Variants in BTK observed in about 807,000 individuals in gnomAD.
The protein encoded by BTK is tyrosine-protein kinase BTK.
A neutral mutation model predicts 57.4 loss-of-function variants in BTK; 5 were observed. The observed-to-expected ratio is 0.09, with a 90% confidence interval of 0.05 to 0.18. The LOEUF is 0.18. Among genes scored for constraint, BTK ranks in the 10% least tolerant of loss-of-function variants. The pLI is 1.00. For missense variants in BTK, 194 were observed against 501.2 expected (o/e 0.39, Z 5.85); for synonymous variants, 154 against 174.3 (o/e 0.88, Z 0.92).
At chrX:101,350,631 T>C (rs1217956110) in intron 18 of BTK, among the ~76,000 whole-genome samples, 2 of 109,521 alleles carry the variant, frequency 1.8e-5, no homozygotes, top group Non-Finnish European at 3.8e-5. Context: ...ATTTTTAGTA[T>C]AGACCGGGTT....
At chrX:101,368,766 T>C in intron 5 of BTK, among the ~76,000 whole-genome samples, 1 of 112,520 alleles carries the variant, frequency 8.9e-6, no homozygotes, top group East Asian at 2.8e-4. Flanking sequence ...AATAATTGAA[T>C]AGATGATCCT....
chrX:101,378,212 T>C lies in BTK; in HGVS notation c.-30-2898A>G, dbSNP rs976139618. Among the ~76,000 whole-genome samples, 10 of 109,685 alleles carry C rather than the reference T, an allele frequency of 9.1e-5. No individual in the cohort carries two copies. In the East Asian group the frequency reaches 1.7e-3, roughly 19 times the overall value. On this transcript the variant is annotated intron_variant, in intron 1 of 18. Coordinates refer to ENST00000308731, the MANE Select transcript of BTK (RefSeq NM_000061.3). ...AATTCTCCTGCCTCGGCCTCCCAAG[T>C]AGCCGGGATTACAGGCGTGTGCCAC...
chrX:101,375,414 T>C (rs1190981353), intron 1 of BTK, 100 bp from the exon 2 acceptor site: 7 of 832,868 alleles, frequency 8.4e-6, no homozygotes, highest in Non-Finnish European at 1.2e-5. Context: ...AACAAAAATG[T>C]GCACAGCTCA....
In BTK at chrX:101,356,079, C is replaced by T. The variant is rs192689502; in HGVS notation, c.1539G>A (p.Glu513=). The part of the protein sequence containing the change: ...KDVCEAMEYL[E]SKQFLHRDLA... ...GGTCTCGGTGAAGGAACTGCTTTGA[C>T]TCCAGGTATTCCATGGCTTCACAGA... The change falls in exon 15 of 19, where the codon GAG becomes GAA. Residue 513 remains glutamate (E), a synonymous_variant. Coordinates refer to ENST00000308731, the MANE Select transcript of BTK (RefSeq NM_000061.3). 10 of 1,209,644 alleles carry T rather than the reference C, an allele frequency of 8.3e-6. No individual in the cohort carries two copies. The East Asian group carries it at 3.0e-4, about 36-fold the overall frequency.
chrX:101,368,151 G>A (rs1181428897), intron 5 of BTK, among the ~76,000 whole-genome samples: 1 of 111,680 alleles, frequency 9.0e-6, no homozygotes, highest in Non-Finnish European at 1.9e-5. Flanking sequence ...GTAAAATGGG[G>A]ATGACAAGAT....
At chrX:101,383,119 T>C (rs782243843) in intron 1 of BTK, among the ~76,000 whole-genome samples, 1 of 112,083 alleles carries the variant, frequency 8.9e-6, no homozygotes, top group African/African-American at 3.2e-5. Flanking sequence ...TATATCGGCA[T>C]ATTCCTTCCA....
chrX:101,368,396 C>T (rs1185097837), intron 5 of BTK, among the ~76,000 whole-genome samples: 2 of 111,859 alleles, frequency 1.8e-5, no homozygotes, highest in African/African-American at 6.5e-5. Flanking sequence ...TGTGAAATTT[C>T]TGGACTTGGA....
intron 18 of BTK, among the ~76,000 whole-genome samples, chrX:101,352,162 C>CA (rs35710840): frequency 0.098 from 5,272 of 53,531 alleles, 221 homozygotes; most frequent in Middle Eastern, 0.26. Context: ...GACTCGGTCT[C>CA]AAAAAAAAAA....
At chrX:101,369,682 T>C (rs1331025569) in intron 5 of BTK, among the ~76,000 whole-genome samples, 1 of 111,434 alleles carries the variant, frequency 9.0e-6, no homozygotes, top group African/African-American at 3.3e-5. Flanking sequence ...ATTCATATGA[T>C]GGAATACTAA....
intron 5 of BTK, among the ~76,000 whole-genome samples, chrX:101,363,887 CATTATTATTATT>C (rs72240121): frequency 0.04 from 3,307 of 81,768 alleles, 72 homozygotes; most frequent in African/African-American, 0.059. Context: ...GAATCCCGCA[CATTATTATTATT>C]ATTATTATTA....
chrX:101,387,688 T>C (rs1555982668), upstream of BTK, among the ~76,000 whole-genome samples: 3 of 110,391 alleles, frequency 2.7e-5, no homozygotes, highest in African/African-American at 9.9e-5. Flanking sequence ...TTAAAGTATT[T>C]GTAGACTGAT....
intron 18 of BTK, among the ~76,000 whole-genome samples, chrX:101,351,834 C>T (rs137886613): frequency 9.0e-4 from 100 of 111,529 alleles, no homozygotes; most frequent in African/African-American, 3.2e-3. Context: ...AACCCACTAC[C>T]TGTTTTAGTT....
chrX:101,361,641 A>C (rs1344036052), intron 7 of BTK, among the ~76,000 whole-genome samples: 1 of 111,631 alleles, frequency 9.0e-6, no homozygotes, highest in Non-Finnish European at 1.9e-5. Context: ...CCAGCTGGGC[A>C]CGGTGGCTCA....
intron 5 of BTK, 97 bp downstream of exon 5, chrX:101,369,901 C>T (rs781889427): frequency 1.4e-5 from 11 of 790,250 alleles, no homozygotes; most frequent in Admixed American, 2.7e-5. Context: ...CTTTCTTTCT[C>T]GTTTCTCTCT....
At chrX:101,350,878 C>T (rs929354105) in intron 18 of BTK, among the ~76,000 whole-genome samples, 1 of 112,334 alleles carries the variant, frequency 8.9e-6, no homozygotes, top group South Asian at 3.7e-4. Flanking sequence ...TTCTTGATTC[C>T]TTGACTCAGT....
chrX:101,371,477 T>C lies in BTK; in HGVS notation c.309+156A>G, dbSNP rs1337360343. On this transcript the variant is annotated intron_variant, in intron 4 of 18. Coordinates refer to ENST00000308731, the MANE Select transcript of BTK (RefSeq NM_000061.3). ...AGGTAAATAGAAAAGCAAACATTCT[T>C]AGCCCATGCCAGTCTCATTTCTTGG... is the stretch of plus-strand genomic sequence containing the variant. Among the ~76,000 whole-genome samples, 3 of 111,965 alleles carry C rather than the reference T, an allele frequency of 2.7e-5. 1 individual carries two copies. Among genetic ancestry groups the C allele is most frequent in the Non-Finnish European group, 5.6e-5 (3 of 53,229 alleles).
intron 1 of BTK, among the ~76,000 whole-genome samples, chrX:101,380,371 G>A (rs1200894629): frequency 2.7e-5 from 3 of 111,817 alleles, no homozygotes; most frequent in Non-Finnish European, 3.8e-5. Flanking sequence ...GCCTTCCAAA[G>A]TGTGGGGATT....
chrX:101,364,678 C>T (rs886833601), intron 5 of BTK, among the ~76,000 whole-genome samples: 15 of 110,243 alleles, frequency 1.4e-4, no homozygotes, highest in African/African-American at 5.0e-4. Flanking sequence ...CACCAGTGTA[C>T]CAAGGACAGA....
At chrX:101,379,256 A>G (rs1364993359) in intron 1 of BTK, among the ~76,000 whole-genome samples, 1 of 111,546 alleles carries the variant, frequency 9.0e-6, no homozygotes, top group Non-Finnish European at 1.9e-5. Flanking sequence ...GGAAGAGTCT[A>G]TGAGATATGA....
Sources: allele counts gnomAD v4.1 joint callset (sites outside exome capture counted in the v4.1 genomes callset), GRCh38; gene constraint gnomAD v4.1.1; transcripts MANE v1.5; gene names NCBI Gene and HGNC (gene_info 2026-07-23, HGNC 2026-07-21).